The following CALCOCO2 variants were observed in gnomAD, a reference collection of about 807,000 sequenced individuals.
CALCOCO2 encodes the protein calcium binding and coiled-coil domain 2, also known as calcium-binding and coiled-coil domain-containing protein 2.
In CALCOCO2, 42 loss-of-function variants were observed where a neutral mutation model predicts 62.5. The ratio of observed to expected loss-of-function variants is 0.67; its 90% CI spans 0.53 to 0.87. The LOEUF is 0.87. CALCOCO2 is among the 40% of genes least tolerant of loss of function. The probability of loss-of-function intolerance (pLI) is 0.00; values close to 1 mark genes in which losing one functional copy is unlikely to be tolerated. For synonymous variants in CALCOCO2, 167 were observed against 173.0 expected (o/e 0.97, Z 0.27); for missense variants, 456 against 515.0 (o/e 0.89, Z 1.11).
intron 9 of CALCOCO2, among the ~76,000 whole-genome samples, chr17:48,853,576 C>T (rs1323858454): frequency 6.6e-6 from 1 of 152,194 alleles, no homozygotes; most frequent in Non-Finnish European, 1.5e-5. Flanking sequence ...GATATCCAGT[C>T]ATCTGATTAT....
intron 10 of CALCOCO2, among the ~76,000 whole-genome samples, chr17:48,858,054 T>C (rs867883181): frequency 1.5e-3 from 212 of 139,676 alleles, no homozygotes; most frequent in Non-Finnish European, 2.6e-3. Context: ...GAAAATAGAA[T>C]AGAATAGAAT....
chr17:48,856,484 G>C lies in CALCOCO2; in HGVS notation c.1008+297G>C, dbSNP rs2040216573. 3 of 470,744 alleles carry C rather than the reference G, an allele frequency of 6.4e-6. No homozygotes were observed. In the Admixed American group the frequency reaches 7.1e-5, roughly 11 times the overall value. 29.2% of individuals were successfully genotyped at this position (470,744 alleles called of 1,614,324 possible). ...TTCACAGCTAATATATGTTGCCTTG[G>C]GGGATAGGGGAATAACGTCCTACAT... On this transcript the variant is annotated intron_variant, in intron 10 of 12. Transcript: ENST00000258947.
chr17:48,837,106 C>T (rs1344504635), intron 1 of CALCOCO2, among the ~76,000 whole-genome samples: 1 of 152,046 alleles, frequency 6.6e-6, no homozygotes, highest in Non-Finnish European at 1.5e-5. Context: ...CTTCATGATC[C>T]GCAAAGGACA....
At chr17:48,847,843 C>T (rs947113927) in intron 2 of CALCOCO2, 26 of 397,270 alleles carry the variant, frequency 6.5e-5, no homozygotes, top group Middle Eastern at 7.1e-4. Flanking sequence ...TTAATGGAGA[C>T]GGGTTTTCAC....
At chr17:48,858,220 T>C (rs1055857442) in intron 10 of CALCOCO2, among the ~76,000 whole-genome samples, 1 of 152,076 alleles carries the variant, frequency 6.6e-6, no homozygotes, top group Non-Finnish European at 1.5e-5. Context: ...ACTTTCTACT[T>C]TTGATTATAT....
intron 1 of CALCOCO2, chr17:48,839,340 C>T (rs1270738840): frequency 7.4e-6 from 1 of 134,588 alleles, no homozygotes; most frequent in Non-Finnish European, 1.6e-5. Context: ...TTTTTGACTC[C>T]AAAATGGTTT....
intron 5 of CALCOCO2, among the ~76,000 whole-genome samples, chr17:48,850,779 G>A (rs978670810): frequency 2.6e-5 from 4 of 151,774 alleles, no homozygotes; most frequent in Non-Finnish European, 5.9e-5. Flanking sequence ...GTGACCAGGC[G>A]CAGTGGCTCA....
chr17:48,831,243 GC>G (rs959682472), intron 1 of CALCOCO2, 165 bp downstream of exon 1: 1 of 152,378 alleles, frequency 6.6e-6, no homozygotes, highest in African/African-American at 2.4e-5. Flanking sequence ...AGGCCCTGGA[GC>G]CCCTCCCGCG....
At chr17:48,836,338 A>G (rs576788573) in intron 1 of CALCOCO2, among the ~76,000 whole-genome samples, 1 of 152,304 alleles carries the variant, frequency 6.6e-6, no homozygotes, top group South Asian at 2.1e-4. Flanking sequence ...CCTATTTTAG[A>G]AAAGAGAAAG....
intron 1 of CALCOCO2, among the ~76,000 whole-genome samples, chr17:48,837,356 T>A: frequency 6.6e-6 from 1 of 151,974 alleles, no homozygotes; most frequent in Non-Finnish European, 1.5e-5. Context: ...GTTGAAAAAC[T>A]CTTTTGAGCC....
rs180939585 is a variant in CALCOCO2, at chr17:48,836,404, A to T, written c.-10-5294A>T. Among the ~76,000 whole-genome samples, 154 of 152,322 alleles carry T rather than the reference A, an allele frequency of 1.0e-3. 3 individuals carry two copies. Among genetic ancestry groups the T allele is most frequent in the African/African-American group, 3.7e-3 (152 of 41,566 alleles). ...CAACAAATTAAGAGGGCTTAAAAAA[A>T]TAAAACATACACACTCTTAGCCCCA... is the stretch of plus-strand genomic sequence containing the variant. On this transcript the variant is annotated intron_variant, in intron 1 of 12. Transcript: ENST00000258947.
intron 10 of CALCOCO2, among the ~76,000 whole-genome samples, chr17:48,857,497 CTTTTTT>C (rs59318856): frequency 1.0e-4 from 4 of 38,430 alleles, no homozygotes; most frequent in Admixed American, 1.1e-3. Context: ...GCACCCGGCC[CTTTTTT>C]TTTTTTTTTT....
In CALCOCO2 at chr17:48,863,588, TAGAC is replaced by T. The variant is rs1440883372; in HGVS notation, c.*586_*589del. 1.3e-5 allele frequency: 2 copies of T among 155,774 alleles called. No homozygotes were observed. The highest frequency in any genetic ancestry group is 2.8e-5 in the Non-Finnish European group (2 of 70,208). The allele number at this position is 155,774 out of a possible 1,614,324, so 9.6% of individuals were successfully genotyped here. On this transcript the variant is annotated 3_prime_UTR_variant, in exon 13 of 13. Transcript: ENST00000258947. The stretch of plus-strand genomic sequence containing the variant: ...AAAGAAGCATCTTACTCCTGAACCT[TAGAC>T]AGGAAGTATTGTTTCAGTCACAGAA...
At position 48,837,915 on chromosome 17, in the gene CALCOCO2, CTTG is replaced by C. The variant is rs558742266; in HGVS notation, c.-10-3780_-10-3778del. Among the ~76,000 whole-genome samples the C allele has an allele frequency of 4.6e-5, 7 of 152,040 alleles. 1 individual carries two copies. The East Asian group carries it at 1.4e-3, about 29-fold the overall frequency. On this transcript the variant is annotated intron_variant, in intron 1 of 12. Transcript: ENST00000258947. ...TAAGTATTATGGTTGTTTGGGAGGT[CTTG>C]TTTTTTTGGTTATTGTACTTATTTA... is the stretch of plus-strand genomic sequence containing the variant.
chr17:48,846,428 C>T, intron 2 of CALCOCO2: 4 of 1,223,486 alleles, frequency 3.3e-6, no homozygotes, highest in Non-Finnish European at 4.6e-6. Context: ...ATGCTTCATA[C>T]TCTCCTTGAC....
chr17:48,855,913 G>T, intron 9 of CALCOCO2, 179 bp from the exon 10 acceptor site: 1 of 349,594 alleles, frequency 2.9e-6, no homozygotes, highest in Non-Finnish European at 5.1e-6. Flanking sequence ...CAGGCCTTCA[G>T]GTGTCTTTTT....
At chr17:48,847,003 C>T (rs2040061437) in intron 2 of CALCOCO2, among the ~76,000 whole-genome samples, 1 of 152,120 alleles carries the variant, frequency 6.6e-6, no homozygotes, top group Non-Finnish European at 1.5e-5. Flanking sequence ...CAGCTTTCTG[C>T]TCTGAGGCGT....
chr17:48,849,131 A>G, intron 4 of CALCOCO2, 121 bp from the exon 5 acceptor site: 1 of 860,772 alleles, frequency 1.2e-6, no homozygotes, highest in Non-Finnish European at 1.9e-6. Context: ...AGCAGCCCCC[A>G]TCTGGGATAC....
At chr17:48,860,556 C>T in intron 11 of CALCOCO2, 107 bp downstream of exon 11, 3 of 955,624 alleles carry the variant, frequency 3.1e-6, no homozygotes, top group Non-Finnish European at 4.8e-6. Flanking sequence ...ATTGTTAAGA[C>T]TTGCTGGGCA....
Sources: allele counts gnomAD v4.1 joint callset (sites outside exome capture counted in the v4.1 genomes callset), GRCh38; gene constraint gnomAD v4.1.1; transcripts MANE v1.5; gene names NCBI Gene and HGNC (gene_info 2026-07-23, HGNC 2026-07-21).